Variants in GPR27 observed in about 807,000 individuals in gnomAD.
The protein encoded by GPR27 is G protein-coupled receptor 27, also known as probable G protein-coupled receptor 27.
Under a neutral mutation model 2.4 loss-of-function variants are expected in GPR27, and 3 were observed. The observed-to-expected ratio is 1.23, with a 90% CI of 0.56 to 3.18. GPR27 has a LOEUF of 3.18. Ranked by LOEUF, GPR27 falls within the 30% of genes most tolerant of loss-of-function variation. GPR27 has a pLI of 0.03. For missense variants in GPR27, 526 were observed against 566.1 expected, an observed-to-expected ratio of 0.93 and a Z score of 0.72; for synonymous variants, 367 against 296.4, an observed-to-expected ratio of 1.24 and a Z score of -2.45.
rs1226870998 is a variant in GPR27 at position 71,754,558 on chromosome 3, C to A, written c.509C>A (p.Pro170Gln). 1.5e-5 allele frequency: 21 copies of A among 1,373,520 alleles called. No homozygotes were observed. The highest frequency in any genetic ancestry group is 1.9e-5 in the Non-Finnish European group (20 of 1,062,102). 85.1% of individuals were successfully genotyped at this position (1,373,520 alleles called of 1,614,324 possible). Residue 170 changes from proline (P) to glutamine (Q), a missense_variant, in exon 1 of 1, where the codon CCG becomes CAG. By Grantham distance (76) the Pro-to-Gln change is moderately conservative. Around this residue, in one of 3 missense-constraint regions of GPR27, gnomAD observed 312 missense variants for 318.4 expected, o/e 0.98. Transcript: ENST00000304411. The surrounding 1 kb of genome is among the most constrained non-coding windows in gnomAD (Gnocchi z 5.8). Reference sequence around the variant, plus strand: ...GGCGGTGGCGACGACGAGGACGCGCCGTGCGCCCTGGAGCAGCGGCCCGAC... The same window carrying A: ...GGCGGTGGCGACGACGAGGACGCGCAGTGCGCCCTGGAGCAGCGGCCCGAC... ...LDGGGDDEDA[P>Q]CALEQRPDGA...
Position 71,754,363 on chromosome 3 carries a change from T to C in GPR27, c.314T>C (p.Phe105Ser). The change falls in exon 1 of 1, where the codon TTC becomes TCC. Residue 105 changes from phenylalanine (F) to serine (S), a missense_variant. This residue lies in a region of GPR27 where 312 missense variants were observed against 318.4 expected (regional missense o/e 0.98). Coordinates refer to ENST00000304411, the MANE Select transcript of GPR27 (RefSeq NM_018971.3). This position sits in a 1 kb window ranked among gnomAD's most constrained non-coding sequence, Gnocchi z 5.8. Reference protein sequence around the residue: ...CKLLAFLAALFCFHAAFLLLG... With the variant: ...CKLLAFLAALSCFHAAFLLLG... ...CTGCTCGCCTTCCTGGCCGCGCTCT[T>C]CTGCTTCCACGCCGCCTTCCTGCTG... The C allele has an allele frequency of 7.5e-7, 1 of 1,324,540 alleles. No homozygotes were observed. The highest frequency in any genetic ancestry group is 9.7e-7 in the Non-Finnish European group (1 of 1,027,424). 82.0% of individuals were successfully genotyped at this position (1,324,540 alleles called of 1,614,324 possible). A position where few individuals can be genotyped will look rare whatever the true frequency, so the allele number is the denominator to read the frequency against.
rs1325267630 is a variant in GPR27 at position 71,754,694 on chromosome 3, G to A, written c.645G>A (p.Arg215=). The change falls in exon 1 of 1, where the codon CGG becomes CGA. Residue 215 remains arginine, a synonymous_variant. Transcript: ENST00000304411. The surrounding 1 kb of genome is among the most constrained non-coding windows in gnomAD (Gnocchi z 5.8). ...TCATCCACGACCGCCGCAAGATGCG[G>A]CCCGCGCGCCTGGTGCCCGCCGTCA... The part of the protein sequence containing the change: ...LFFIHDRRKM[R]PARLVPAVSH... 1 of 1,493,894 alleles carries A rather than the reference G, an allele frequency of 6.7e-7. No homozygotes were observed. Among genetic ancestry groups the A allele is most frequent in the East Asian group, 3.0e-5 (1 of 33,734 alleles). The allele number at this position is 1,493,894 out of a possible 1,614,324, so 92.5% of individuals were successfully genotyped here. A position where few individuals can be genotyped will look rare whatever the true frequency, so the allele number is the denominator to read the frequency against.
In GPR27 at chr3:71,754,012, C is replaced by G; in HGVS notation, c.-38C>G. ...CCTGCGGGAGCGGCGAGGCAGGGGA[C>G]GGCCCCGGGGCGGAGCGCACGGCCT... is the stretch of plus-strand genomic sequence containing the variant. On this transcript the variant is annotated 5_prime_UTR_variant, in exon 1 of 1. Coordinates refer to ENST00000304411, the MANE Select transcript of GPR27 (RefSeq NM_018971.3). The surrounding 1 kb of genome is among the most constrained non-coding windows in gnomAD (Gnocchi z 5.8). 9.1e-7 allele frequency: 1 copy of G among 1,094,132 alleles called. No individual in the cohort carries two copies. 67.8% of individuals were successfully genotyped at this position (1,094,132 alleles called of 1,614,324 possible). A position where few individuals can be genotyped will look rare whatever the true frequency, so the allele number is the denominator to read the frequency against.
Position 71,754,789 on chromosome 3 carries a change from G to A in GPR27, c.740G>A (p.Gly247Asp). The stretch of plus-strand genomic sequence containing the variant: ...GCCGCCAACTGGACGGCGGGCTTCG[G>A]CCGCGGGCCCACGCCGCCCGCGCTT... The part of the protein sequence containing the change: ...QAAANWTAGF[G>D]RGPTPPALVG... The change falls in exon 1 of 1, where the codon GGC (glycine) becomes GAC (aspartate). Residue 247 changes from glycine (G) to aspartate (D), a missense_variant. Coordinates refer to ENST00000304411, the MANE Select transcript of GPR27 (RefSeq NM_018971.3). The surrounding 1 kb of genome is among the most constrained non-coding windows in gnomAD (Gnocchi z 5.8). The A allele has an allele frequency of 7.8e-7, 1 of 1,277,458 alleles. No homozygotes were observed. The highest frequency in any genetic ancestry group is 1.6e-5 in the African/African-American group (1 of 63,380). 79.1% of individuals were successfully genotyped at this position (1,277,458 alleles called of 1,614,324 possible).
chr3:71,755,279 C>A lies in GPR27; in HGVS notation c.*102C>A. 1.0e-6 allele frequency: 1 copy of A among 989,224 alleles called. No individual in the cohort carries two copies. The highest frequency in any genetic ancestry group is 1.7e-5 in the South Asian group (1 of 60,462). 61.3% of individuals were successfully genotyped at this position (989,224 alleles called of 1,614,324 possible). A position where few individuals can be genotyped will look rare whatever the true frequency, so the allele number is the denominator to read the frequency against. ...GGCCCCTGTTTAATTTTCTAAGCTG[C>A]CTTCAAAATGACTCGAAGTGGACAG... On this transcript the variant is annotated 3_prime_UTR_variant, in exon 1 of 1. Transcript: ENST00000304411.
In GPR27 at chr3:71,754,357, C is replaced by T. The variant is rs1294363229; in HGVS notation, c.308C>T (p.Ala103Val). ...LGCKLLAFLA[A>V]LFCFHAAFLL... ...TGCAAGCTGCTCGCCTTCCTGGCCG[C>T]GCTCTTCTGCTTCCACGCCGCCTTC... Residue 103 changes from alanine (A) to valine (V), a missense_variant, in exon 1 of 1, where the codon GCG becomes GTG. Ala to Val is a moderately conservative substitution (Grantham distance 64). This residue lies in a region of GPR27 where 312 missense variants were observed against 318.4 expected (regional missense o/e 0.98). Transcript: ENST00000304411. This position sits in a 1 kb window ranked among gnomAD's most constrained non-coding sequence, Gnocchi z 5.8. The T allele has an allele frequency of 3.0e-6, 4 of 1,316,694 alleles. No individual in the cohort carries two copies. The African/African-American group carries it at 6.1e-5, about 20-fold the overall frequency. The allele number at this position is 1,316,694 out of a possible 1,614,324, so 81.6% of individuals were successfully genotyped here. A position where few individuals can be genotyped will look rare whatever the true frequency, so the allele number is the denominator to read the frequency against.
chr3:71,754,542 G>C lies in GPR27; in HGVS notation c.493G>C (p.Asp165His). ...CCCGCCAGTGCTGGACGGCGGTGGC[G>C]ACGACGAGGACGCGCCGTGCGCCCT... ...AFPPVLDGGG[D>H]DEDAPCALEQ... Residue 165 changes from aspartate (D) to histidine (H), a missense_variant, in exon 1 of 1, where the codon GAC (aspartate) becomes CAC (histidine). Physicochemically the swap from Asp to His is moderately conservative, Grantham distance 81. Around this residue, in one of 3 missense-constraint regions of GPR27, gnomAD observed 312 missense variants for 318.4 expected, o/e 0.98. Coordinates refer to ENST00000304411, the MANE Select transcript of GPR27 (RefSeq NM_018971.3). This position sits in a 1 kb window ranked among gnomAD's most constrained non-coding sequence, Gnocchi z 5.8. The C allele has an allele frequency of 7.4e-7, 1 of 1,347,670 alleles. No homozygotes were observed. Among genetic ancestry groups the C allele is most frequent in the Non-Finnish European group, 9.5e-7 (1 of 1,048,998 alleles). The allele number at this position is 1,347,670 out of a possible 1,614,324, so 83.5% of individuals were successfully genotyped here.
Position 71,753,954 on chromosome 3 carries a change from G to C in GPR27, c.-96G>C, listed in dbSNP as rs1366246336. The C allele has an allele frequency of 9.8e-7, 1 of 1,023,650 alleles. No individual in the cohort carries two copies. The highest frequency in any genetic ancestry group is 9.1e-5 in the East Asian group (1 of 10,974). 63.4% of individuals were successfully genotyped at this position (1,023,650 alleles called of 1,614,324 possible). ...CCCGCAGGACGGGGAGCTCGCCCAG[G>C]GCCGGCGGAGCGGCGGAGCTCGGGC... On this transcript the variant is annotated 5_prime_UTR_variant, in exon 1 of 1. Transcript: ENST00000304411.
chr3:71,754,816 T>C lies in GPR27; in HGVS notation c.767T>C (p.Val256Ala). 6.7e-7 allele frequency: 1 copy of C among 1,496,232 alleles called. No individual in the cohort carries two copies. The highest frequency in any genetic ancestry group is 8.9e-7 in the Non-Finnish European group (1 of 1,123,098). 92.7% of individuals were successfully genotyped at this position (1,496,232 alleles called of 1,614,324 possible). The change falls in exon 1 of 1, where the codon GTG (valine) becomes GCG (alanine). Residue 256 changes from valine (V) to alanine (A), a missense_variant. By Grantham distance (64) the Val-to-Ala change is moderately conservative. Transcript: ENST00000304411. This position sits in a 1 kb window ranked among gnomAD's most constrained non-coding sequence, Gnocchi z 5.8. ...FGRGPTPPALVGIRPAGPGRG... is the reference protein window; with the variant it reads ...FGRGPTPPALAGIRPAGPGRG... ...CGCGGGCCCACGCCGCCCGCGCTTG[T>C]GGGCATCCGGCCCGCAGGGCCGGGC... is the stretch of plus-strand genomic sequence containing the variant.
At position 71,754,744 on chromosome 3, in the gene GPR27, CG is replaced by C; in HGVS notation, c.698del (p.Gly233AlafsTer88). On this transcript the variant is annotated frameshift_variant, in exon 1 of 1. Coordinates refer to ENST00000304411, the MANE Select transcript of GPR27 (RefSeq NM_018971.3). LOFTEE classifies it low-confidence loss of function (END_TRUNC). This position sits in a 1 kb window ranked among gnomAD's most constrained non-coding sequence, Gnocchi z 5.8. ...AGCCACGACTGGACCTTCCACGGCCCGGGCGCCACCGGCCAGGCGGCCGCCA... is the reference window on the plus strand; with the variant it reads ...AGCCACGACTGGACCTTCCACGGCCCGGCGCCACCGGCCAGGCGGCCGCCA... Reference protein sequence around the residue: ...AVSHDWTFHGPGATGQAAANW... With the variant: ...AVSHDWTFHGXGATGQAAANW... 7.3e-7 allele frequency: 1 copy of C among 1,378,570 alleles called. No individual in the cohort carries two copies. The highest frequency in any genetic ancestry group is 9.4e-7 in the Non-Finnish European group (1 of 1,058,908). 85.4% of individuals were successfully genotyped at this position (1,378,570 alleles called of 1,614,324 possible). A position where few individuals can be genotyped will look rare whatever the true frequency, so the allele number is the denominator to read the frequency against.
In GPR27 at chr3:71,755,260, T is replaced by C. The variant is rs1192347240; in HGVS notation, c.*83T>C. The C allele has an allele frequency of 1.7e-6, 2 of 1,151,238 alleles. No individual in the cohort carries two copies. The highest frequency in any genetic ancestry group is 1.2e-6 in the Non-Finnish European group (1 of 829,252). 71.3% of individuals were successfully genotyped at this position (1,151,238 alleles called of 1,614,324 possible). On this transcript the variant is annotated 3_prime_UTR_variant, in exon 1 of 1. Transcript: ENST00000304411. The stretch of plus-strand genomic sequence containing the variant: ...CGTTGTATCTTTTCCTTCTGGCCCC[T>C]GTTTAATTTTCTAAGCTGCCTTCAA...
chr3:71,754,834 G>A lies in GPR27; in HGVS notation c.785G>A (p.Gly262Glu), dbSNP rs1475271036. The A allele has an allele frequency of 6.3e-7, 1 of 1,580,740 alleles. No individual in the cohort carries two copies. Among genetic ancestry groups the A allele is most frequent in the Admixed American group, 1.8e-5 (1 of 55,922 alleles). ...GCGCTTGTGGGCATCCGGCCCGCAG[G>A]GCCGGGCCGCGGCGCGCGCCGCCTC... ...PPALVGIRPAGPGRGARRLLV... is the reference protein window; with the variant it reads ...PPALVGIRPAEPGRGARRLLV... Residue 262 changes from glycine to glutamate, a missense_variant, in exon 1 of 1, where the codon GGG becomes GAG. This residue lies in a region of GPR27 where 98 missense variants were observed against 146.7 expected (regional missense o/e 0.67). Coordinates refer to ENST00000304411, the MANE Select transcript of GPR27 (RefSeq NM_018971.3). The surrounding 1 kb of genome is among the most constrained non-coding windows in gnomAD (Gnocchi z 5.8).
Position 71,755,218 on chromosome 3 carries a change from T to C in GPR27, c.*41T>C. ...ATAGACCCCCAACCCAGCCTTTCCC[T>C]TTGGCTCGGACGGTGACGTTGTATC... On this transcript the variant is annotated 3_prime_UTR_variant, in exon 1 of 1. Transcript: ENST00000304411. The C allele has an allele frequency of 6.8e-7, 1 of 1,467,436 alleles. No individual in the cohort carries two copies. The highest frequency in any genetic ancestry group is 9.2e-7 in the Non-Finnish European group (1 of 1,085,264). The allele number at this position is 1,467,436 out of a possible 1,614,324, so 90.9% of individuals were successfully genotyped here. A position where few individuals can be genotyped will look rare whatever the true frequency, so the allele number is the denominator to read the frequency against.
Position 71,754,514 on chromosome 3 carries a change from C to G in GPR27, c.465C>G (p.Ala155=). The G allele has an allele frequency of 7.7e-7, 1 of 1,300,166 alleles. No homozygotes were observed. The highest frequency in any genetic ancestry group is 9.7e-7 in the Non-Finnish European group (1 of 1,025,724). The allele number at this position is 1,300,166 out of a possible 1,614,324, so 80.5% of individuals were successfully genotyped here. ...CCTGGGCGCTGGCGCTGGCCGCGGC[C>G]TTCCCGCCAGTGCTGGACGGCGGTG... ...CAAWALALAA[A]FPPVLDGGGD... The change falls in exon 1 of 1, where the codon GCC becomes GCG. Residue 155 remains alanine (A), a synonymous_variant. Transcript: ENST00000304411. The surrounding 1 kb of genome is among the most constrained non-coding windows in gnomAD (Gnocchi z 5.8).
Position 71,754,286 on chromosome 3 carries a change from G to C in GPR27, c.237G>C (p.Ala79=). ...GCCTCCCGGCCGTCATGCTGGCGGC[G>C]CGGCGTGCGGCGGCCGCGGCGGGGG... ...LACLPAVMLA[A]RRAAAAAGAP... Residue 79 remains alanine, a synonymous_variant, in exon 1 of 1, where the codon GCG becomes GCC. Transcript: ENST00000304411. This position sits in a 1 kb window ranked among gnomAD's most constrained non-coding sequence, Gnocchi z 5.8. 1 of 1,142,120 alleles carries C rather than the reference G, an allele frequency of 8.8e-7. No individual in the cohort carries two copies. The allele number at this position is 1,142,120 out of a possible 1,614,324, so 70.7% of individuals were successfully genotyped here.
Position 71,755,472 on chromosome 3 carries a change from T to A in GPR27, c.*295T>A. 2.8e-6 allele frequency: 1 copy of A among 352,534 alleles called. No individual in the cohort carries two copies. Among genetic ancestry groups the A allele is most frequent in the Non-Finnish European group, 5.1e-6 (1 of 194,736 alleles). 21.8% of individuals were successfully genotyped at this position (352,534 alleles called of 1,614,324 possible). A position where few individuals can be genotyped will look rare whatever the true frequency, so the allele number is the denominator to read the frequency against. On this transcript the variant is annotated 3_prime_UTR_variant, in exon 1 of 1. Transcript: ENST00000304411. Reference sequence around the variant, plus strand: ...CGTCTTTTATTCCATGTGTGGTTCCTTTTTTTCTTTTTCTATAAAGGCTGT... The same window carrying A: ...CGTCTTTTATTCCATGTGTGGTTCCATTTTTTCTTTTTCTATAAAGGCTGT...
chr3:71,754,023 C>CGGCCCCGGGGA lies in GPR27; in HGVS notation c.-25_-24insCCCCGGGGAGG, dbSNP rs2049969613. 1 of 1,139,514 alleles carries CGGCCCCGGGGA rather than the reference C, an allele frequency of 8.8e-7. No individual in the cohort carries two copies. Among genetic ancestry groups the CGGCCCCGGGGA allele is most frequent in the East Asian group, 4.8e-5 (1 of 20,986 alleles). The allele number at this position is 1,139,514 out of a possible 1,614,324, so 70.6% of individuals were successfully genotyped here. A position where few individuals can be genotyped will look rare whatever the true frequency, so the allele number is the denominator to read the frequency against. ...GGCGAGGCAGGGGACGGCCCCGGGG[C>CGGCCCCGGGGA]GGAGCGCACGGCCTGGTGAGGCCGC... On this transcript the variant is annotated 5_prime_UTR_variant, in exon 1 of 1. Transcript: ENST00000304411. The surrounding 1 kb of genome is among the most constrained non-coding windows in gnomAD (Gnocchi z 5.8).
In GPR27 at chr3:71,755,163, G is replaced by T; in HGVS notation, c.1114G>T (p.Gly372Cys). The change falls in exon 1 of 1, where the codon GGC (glycine) becomes TGC (cysteine). Residue 372 changes from glycine (G) to cysteine (C), a missense_variant. Physicochemically the swap from Gly to Cys is radical, Grantham distance 159. Around this residue, in one of 3 missense-constraint regions of GPR27, gnomAD observed 116 missense variants for 100.9 expected, o/e 1.15. Coordinates refer to ENST00000304411, the MANE Select transcript of GPR27 (RefSeq NM_018971.3). ...GGCGACCCATCCCTGCGACCTGAAA[G>T]GCATTGGTTTATGAGGGAGGCCCCG... ...TQATHPCDLK[G>C]IGL 6.2e-7 allele frequency: 1 copy of T among 1,603,796 alleles called. No homozygotes were observed. The highest frequency in any genetic ancestry group is 8.5e-7 in the Non-Finnish European group (1 of 1,178,080).
At position 71,754,361 on chromosome 3, in the gene GPR27, C is replaced by A. The variant is rs1240078958; in HGVS notation, c.312C>A (p.Leu104=). Reference sequence around the variant, plus strand: ...AGCTGCTCGCCTTCCTGGCCGCGCTCTTCTGCTTCCACGCCGCCTTCCTGC... The same window carrying A: ...AGCTGCTCGCCTTCCTGGCCGCGCTATTCTGCTTCCACGCCGCCTTCCTGC... The part of the protein sequence containing the change: ...GCKLLAFLAA[L]FCFHAAFLLL... Residue 104 remains leucine (L), a synonymous_variant, in exon 1 of 1, where the codon CTC becomes CTA. Coordinates refer to ENST00000304411, the MANE Select transcript of GPR27 (RefSeq NM_018971.3). This position sits in a 1 kb window ranked among gnomAD's most constrained non-coding sequence, Gnocchi z 5.8. 1 of 1,325,726 alleles carries A rather than the reference C, an allele frequency of 7.5e-7. No homozygotes were observed. Among genetic ancestry groups the A allele is most frequent in the African/African-American group, 1.5e-5 (1 of 65,752 alleles). 82.1% of individuals were successfully genotyped at this position (1,325,726 alleles called of 1,614,324 possible).
Sources: allele counts gnomAD v4.1 joint callset, GRCh38; gene constraint gnomAD v4.1.1; regional missense constraint gnomAD v4.1.1; non-coding constraint Gnocchi (gnomAD v3.1); transcripts MANE v1.5; gene names NCBI Gene and HGNC (gene_info 2026-07-23, HGNC 2026-07-21).